NLGN1: variants seen among roughly 807,000 people sequenced by gnomAD.
The protein encoded by NLGN1 is neuroligin 1, also known as neuroligin-1.
Under a neutral mutation model 65.5 loss-of-function variants are expected in NLGN1, and 12 were observed. That is an observed-to-expected ratio of 0.18 (90% confidence interval 0.12 to 0.30). NLGN1 has a LOEUF of 0.30. Among genes scored for constraint, NLGN1 ranks in the 10% least tolerant of loss-of-function variants. The pLI is 1.00. For missense variants in NLGN1, 750 were observed against 1,007.1 expected (o/e 0.74, Z 3.46); for synonymous variants, 350 against 359.5 (o/e 0.97, Z 0.30).
intron 2 of NLGN1, among the ~76,000 whole-genome samples, chr3:173,559,407 T>C (rs1255843495): frequency 6.6e-6 from 1 of 152,204 alleles, no homozygotes; most frequent in East Asian, 1.9e-4. Flanking sequence ...TGCCTATACA[T>C]AGACTAAGGA....
chr3:173,982,878 C>T (rs930639839), intron 4 of NLGN1, among the ~76,000 whole-genome samples: 2 of 152,112 alleles, frequency 1.3e-5, no homozygotes, highest in African/African-American at 4.8e-5. Flanking sequence ...CAACATGAAG[C>T]ATCTCCATAC....
At chr3:173,479,603 C>T (rs954582551) in intron 2 of NLGN1, among the ~76,000 whole-genome samples, 1 of 152,142 alleles carries the variant, frequency 6.6e-6, no homozygotes, top group African/African-American at 2.4e-5. Context: ...GTTGGTATAT[C>T]AACCCAGAGG....
chr3:173,500,932 A>G (rs983932522), intron 2 of NLGN1, among the ~76,000 whole-genome samples: 1 of 152,072 alleles, frequency 6.6e-6, no homozygotes, highest in Non-Finnish European at 1.5e-5. Context: ...GGAACCAGGT[A>G]TTATTTACTC....
intron 2 of NLGN1, among the ~76,000 whole-genome samples, chr3:173,553,886 T>A (rs765043182): frequency 6.6e-6 from 1 of 152,138 alleles, no homozygotes; most frequent in Non-Finnish European, 1.5e-5. Context: ...GGGCACTGAT[T>A]TTTGGATCGG....
At chr3:174,185,848 C>T (rs1397346621) in intron 4 of NLGN1, among the ~76,000 whole-genome samples, 1 of 151,774 alleles carries the variant, frequency 6.6e-6, no homozygotes, top group Non-Finnish European at 1.5e-5. Flanking sequence ...AATGCTGATA[C>T]TCTATCTTCT....
At chr3:173,548,412 A>T (rs1740259235) in intron 2 of NLGN1, among the ~76,000 whole-genome samples, 1 of 152,130 alleles carries the variant, frequency 6.6e-6, no homozygotes, top group African/African-American at 2.4e-5. Context: ...AAAAAGTGAA[A>T]GAGAAAGCAT....
chr3:173,734,698 C>T (rs1422573249), intron 3 of NLGN1, among the ~76,000 whole-genome samples: 1 of 151,986 alleles, frequency 6.6e-6, no homozygotes, highest in East Asian at 1.9e-4. Flanking sequence ...GTCACTGCAC[C>T]TGGCCTTATT....
At chr3:174,193,375 T>C (rs1411527171) in intron 4 of NLGN1, among the ~76,000 whole-genome samples, 1 of 152,154 alleles carries the variant, frequency 6.6e-6, no homozygotes, top group Non-Finnish European at 1.5e-5. Flanking sequence ...CTGCCAAAGT[T>C]GGGAGAGGGA....
chr3:173,843,626 A>G (rs1725209106), intron 4 of NLGN1, among the ~76,000 whole-genome samples: 1 of 152,180 alleles, frequency 6.6e-6, no homozygotes, highest in African/African-American at 2.4e-5. Flanking sequence ...TTAAAACATA[A>G]CAAGAGTCAC....
At chr3:173,542,181 T>C (rs1238863560) in intron 2 of NLGN1, among the ~76,000 whole-genome samples, 3 of 152,026 alleles carry the variant, frequency 2.0e-5, no homozygotes, top group Non-Finnish European at 4.4e-5. Context: ...TATTGAATTT[T>C]GATTTTGAAA....
intron 4 of NLGN1, among the ~76,000 whole-genome samples, chr3:173,974,547 TTA>T (rs1716993654): frequency 6.6e-6 from 1 of 152,070 alleles, no homozygotes; most frequent in South Asian, 2.1e-4. Context: ...AATATGTTTT[TTA>T]AAAATTTGTG....
At chr3:174,257,145 A>T (rs1561405150) in intron 4 of NLGN1, among the ~76,000 whole-genome samples, 1 of 152,208 alleles carries the variant, frequency 6.6e-6, no homozygotes, top group Non-Finnish European at 1.5e-5. Flanking sequence ...GCCAACAAAC[A>T]TATATAAAAA....
Position 173,978,834 on chromosome 3 carries a change from TAA to T in NLGN1, c.646+171025_646+171026del, listed in dbSNP as rs34496124. On this transcript the variant is annotated intron_variant, in intron 4 of 6. Transcript: ENST00000457714. ...AACATGGTGAAACCCCTTCTCTAATTAAAAAAAAAAAAAAAAAAAAAAAATTA... is the reference window on the plus strand; with the variant it reads ...AACATGGTGAAACCCCTTCTCTAATTAAAAAAAAAAAAAAAAAAAAAATTA... 8.0e-3 allele frequency among the ~76,000 whole-genome samples: 891 copies of T among 111,244 alleles called. 11 individuals are homozygous for T. The highest frequency in any genetic ancestry group is 0.023 in the African/African-American group (668 of 29,684). The allele number at this position is 111,244 out of a possible 152,430, so 73.0% of individuals were successfully genotyped here. A position where few individuals can be genotyped will look rare whatever the true frequency, so the allele number is the denominator to read the frequency against.
intron 3 of NLGN1, among the ~76,000 whole-genome samples, chr3:173,781,048 G>T (rs7619929): frequency 1.3e-5 from 2 of 150,066 alleles, no homozygotes; most frequent in Non-Finnish European, 3.0e-5. Context: ...GGAGGCTGAG[G>T]CAGGAGAATG....
At chr3:173,781,976 G>A (rs1781235587) in intron 3 of NLGN1, among the ~76,000 whole-genome samples, 1 of 152,138 alleles carries the variant, frequency 6.6e-6, no homozygotes, top group Non-Finnish European at 1.5e-5. Flanking sequence ...AGATCCCACT[G>A]AAGAACAGGC....
At chr3:174,210,438 T>C (rs76475173) in intron 4 of NLGN1, among the ~76,000 whole-genome samples, 2,177 of 152,298 alleles carry the variant, frequency 0.014, 28 homozygotes, top group Non-Finnish European at 0.022. Flanking sequence ...TCAAAGTGTA[T>C]AGTAGGCCAG....
intron 2 of NLGN1, among the ~76,000 whole-genome samples, chr3:173,586,961 G>A (rs764377625): frequency 1.3e-5 from 2 of 152,328 alleles, no homozygotes; most frequent in South Asian, 4.1e-4. Flanking sequence ...TCATTAAGTG[G>A]TAATAGCAAA....
intron 4 of NLGN1, among the ~76,000 whole-genome samples, chr3:174,143,729 A>G (rs972361255): frequency 2.0e-5 from 3 of 152,104 alleles, no homozygotes; most frequent in Non-Finnish European, 4.4e-5. Context: ...TCAACCTTCA[A>G]TGTGTTTATT....
intron 4 of NLGN1, among the ~76,000 whole-genome samples, chr3:174,170,721 A>G (rs1030510652): frequency 2.6e-5 from 4 of 152,206 alleles, no homozygotes; most frequent in Admixed American, 1.3e-4. Flanking sequence ...AGTGACCACA[A>G]TGAATATAAT....
Sources: allele counts gnomAD v4.1 joint callset (sites outside exome capture counted in the v4.1 genomes callset), GRCh38; gene constraint gnomAD v4.1.1; transcripts MANE v1.5; gene names NCBI Gene and HGNC (gene_info 2026-07-23, HGNC 2026-07-21).